The following DOCK10 variants were observed in gnomAD, a reference collection of about 807,000 sequenced individuals.
DOCK10 encodes dedicator of cytokinesis protein 10.
Under a neutral mutation model 280.1 loss-of-function variants are expected in DOCK10, and 145 were observed. The observed-to-expected ratio is 0.52, with a 90% confidence interval of 0.45 to 0.59. The LOEUF is 0.59. Among genes scored for constraint, DOCK10 ranks in the 20% least tolerant of loss-of-function variants. The pLI is 0.00. For missense variants in DOCK10, 2,368 were observed against 2,651.7 expected (o/e 0.89, Z 2.35); for synonymous variants, 915 against 942.2 (o/e 0.97, Z 0.53).
rs1375994949 is a variant in DOCK10, at chr2:224,862,742, G to A, written c.1607C>T (p.Ala536Val). The A allele has an allele frequency of 6.3e-7, 1 of 1,582,772 alleles. No individual in the cohort carries two copies. The highest frequency in any genetic ancestry group is 1.1e-5 in the South Asian group (1 of 87,618). ...YIKNPDSNKY[A>V]QKILKSNRQF... ...TCTGTTGGATTTTAGTATCTTTTGT[G>A]CATACTAAAGAAAAAATAAATACAA... Residue 536 changes from alanine (A) to valine (V), a missense_variant, in exon 14 of 56, where the codon GCA becomes GTA. Ala to Val is a moderately conservative substitution (Grantham distance 64, BLOSUM62 0). This residue lies in a region of DOCK10 where 1,209 missense variants were observed against 1,250.9 expected (regional missense o/e 0.97). Coordinates refer to ENST00000258390, the MANE Select transcript of DOCK10 (RefSeq NM_014689.3).
chr2:224,924,866 T>C (rs1205558141), intron 2 of DOCK10, among the ~76,000 whole-genome samples: 1 of 152,192 alleles, frequency 6.6e-6, no homozygotes, highest in Non-Finnish European at 1.5e-5. Context: ...CTAAGAAGCG[T>C]CGGCCAAAAG....
chr2:224,852,967 G>T lies in DOCK10; in HGVS notation c.2044C>A (p.Leu682Ile). ...AAGCATTTCTGGCTATCATACTTGA[G>T]GTGTTTGGGGTAAATATAAATTTGA... ...KNQIYIYPKHLKYDSQKCFNK... is the reference protein window; with the variant it reads ...KNQIYIYPKHIKYDSQKCFNK... The change falls in exon 17 of 56, where the codon CTC becomes ATC. Residue 682 changes from leucine to isoleucine, a missense_variant. Physicochemically the swap from Leu to Ile is conservative, Grantham distance 5. Coordinates refer to ENST00000258390, the MANE Select transcript of DOCK10 (RefSeq NM_014689.3). 6.2e-7 allele frequency: 1 copy of T among 1,606,262 alleles called. No individual in the cohort carries two copies. Among genetic ancestry groups the T allele is most frequent in the South Asian group, 1.1e-5 (1 of 89,720 alleles).
chr2:224,992,817 G>A (rs1184690244), intron 1 of DOCK10, among the ~76,000 whole-genome samples: 1 of 152,192 alleles, frequency 6.6e-6, no homozygotes, highest in Non-Finnish European at 1.5e-5. Context: ...CATAAAATTA[G>A]AGGGTTAGAA....
chr2:224,796,869 A>T, intron 43 of DOCK10, 95 bp downstream of exon 43: 1 of 1,114,204 alleles, frequency 9.0e-7, no homozygotes, highest in Non-Finnish European at 1.3e-6. Flanking sequence ...TGGAGGAGTT[A>T]GTGACGGCTT....
intron 7 of DOCK10, among the ~76,000 whole-genome samples, chr2:224,884,373 G>A (rs1181585925): frequency 3.9e-5 from 6 of 152,194 alleles, no homozygotes; most frequent in Admixed American, 1.3e-4. Flanking sequence ...AGGTTTGAGG[G>A]TAACAGAAAG....
chr2:224,975,697 A>G (rs1282421384), intron 1 of DOCK10, among the ~76,000 whole-genome samples: 2 of 152,232 alleles, frequency 1.3e-5, no homozygotes, highest in Non-Finnish European at 2.9e-5. Flanking sequence ...TAGGACACAA[A>G]TTAAACAAAT....
chr2:224,945,163 C>T (rs1228153411), intron 1 of DOCK10, among the ~76,000 whole-genome samples: 1 of 152,148 alleles, frequency 6.6e-6, no homozygotes, highest in Middle Eastern at 3.2e-3. Context: ...CATGCTACTT[C>T]TAAATTCCAT....
intron 4 of DOCK10, among the ~76,000 whole-genome samples, chr2:224,889,525 C>T (rs1168599706): frequency 2.0e-5 from 3 of 152,290 alleles, no homozygotes; most frequent in Admixed American, 6.5e-5. Flanking sequence ...CTTTAATAAG[C>T]ACATTAAGTA....
In DOCK10 at chr2:224,975,081, T is replaced by A. The variant is rs547103937; in HGVS notation, c.124-43413A>T. On this transcript the variant is annotated intron_variant, in intron 1 of 55. Transcript: ENST00000258390. ...CTGTGTATTTTTTCTTTGCTTCTAA[T>A]CATTTCTAAATTTGGTACAATTTGG... Among the ~76,000 whole-genome samples, 4 of 152,008 alleles carry A rather than the reference T, an allele frequency of 2.6e-5. No homozygotes were observed. In the South Asian group the frequency reaches 8.3e-4, roughly 32 times the overall value.
chr2:224,904,683 C>T (rs1053438489), intron 3 of DOCK10, among the ~76,000 whole-genome samples: 3 of 152,130 alleles, frequency 2.0e-5, no homozygotes, highest in Non-Finnish European at 4.4e-5. Context: ...TAGTAAGAGA[C>T]ATTCTTATAT....
At position 224,862,726 on chromosome 2, in the gene DOCK10, T is replaced by G; in HGVS notation, c.1623A>C (p.Lys541Asn). ...ATTTGCTGCAGAATTGTCTGTTGGA[T>G]TTTAGTATCTTTTGTGCATACTAAA... ...DSNKYAQKIL[K>N]SNRQFCSKLG... The change falls in exon 14 of 56, where the codon AAA (lysine) becomes AAC (asparagine). Residue 541 changes from lysine to asparagine, a missense_variant. Lys to Asn is a moderately conservative substitution (Grantham distance 94). Coordinates refer to ENST00000258390, the MANE Select transcript of DOCK10 (RefSeq NM_014689.3). 7 of 1,609,246 alleles carry G rather than the reference T, an allele frequency of 4.3e-6. No individual in the cohort carries two copies. The highest frequency in any genetic ancestry group is 4.2e-6 in the Non-Finnish European group (5 of 1,177,208).
At chr2:224,963,359 T>C (rs918716843) in intron 1 of DOCK10, among the ~76,000 whole-genome samples, 3 of 151,482 alleles carry the variant, frequency 2.0e-5, no homozygotes. Flanking sequence ...AGGTCTGCAA[T>C]AGATCAATAG....
chr2:225,002,505 C>G (rs1316628703), intron 1 of DOCK10, among the ~76,000 whole-genome samples: 1 of 152,208 alleles, frequency 6.6e-6, no homozygotes, highest in Admixed American at 6.5e-5. Flanking sequence ...ATAAGTCATA[C>G]ATTTCTTTGG....
chr2:224,807,809 A>G, intron 32 of DOCK10, 25 bp from the exon 33 acceptor site: 1 of 1,564,362 alleles, frequency 6.4e-7, no homozygotes, highest in African/African-American at 1.4e-5. Flanking sequence ...AGCCAAAAGA[A>G]ATGATTCATG....
At chr2:225,039,602 T>G (rs1225948930) in intron 1 of DOCK10, among the ~76,000 whole-genome samples, 2 of 152,132 alleles carry the variant, frequency 1.3e-5, no homozygotes, top group African/African-American at 4.8e-5. Context: ...GCCTTAAAAT[T>G]TGGCTTTCCC....
In DOCK10 at chr2:224,830,618, G is replaced by T. The variant is rs1574899195; in HGVS notation, c.2965-6C>A. On this transcript the variant is annotated splice_region_variant and splice_polypyrimidine_tract_variant and intron_variant, in intron 26 of 55. Coordinates refer to ENST00000258390, the MANE Select transcript of DOCK10 (RefSeq NM_014689.3). Reference sequence around the variant, plus strand: ...GCAAAGAAGAACCAGGAATGCTGTTGGGAAAAAAAAGGCAACGAGACATTT... The same window carrying T: ...GCAAAGAAGAACCAGGAATGCTGTTTGGAAAAAAAAGGCAACGAGACATTT... 8.3e-7 allele frequency: 1 copy of T among 1,205,568 alleles called. No individual in the cohort carries two copies. Among genetic ancestry groups the T allele is most frequent in the Non-Finnish European group, 1.1e-6 (1 of 912,328 alleles). 74.7% of individuals were successfully genotyped at this position (1,205,568 alleles called of 1,614,324 possible). A position where few individuals can be genotyped will look rare whatever the true frequency, so the allele number is the denominator to read the frequency against.
intron 9 of DOCK10, 117 bp from the exon 10 acceptor site, chr2:224,874,466 A>T: frequency 3.2e-6 from 3 of 924,912 alleles, no homozygotes; most frequent in Non-Finnish European, 5.0e-6. Flanking sequence ...ATTACCCATT[A>T]ACACTTGGCA....
intron 1 of DOCK10, among the ~76,000 whole-genome samples, chr2:225,039,075 C>G (rs1690341613): frequency 6.6e-6 from 1 of 152,162 alleles, no homozygotes; most frequent in Non-Finnish European, 1.5e-5. Context: ...AGAAAGCTAT[C>G]TAAATGAACT....
chr2:224,916,708 A>G lies in DOCK10; in HGVS notation c.320T>C (p.Leu107Ser). 1.9e-6 allele frequency: 3 copies of G among 1,609,470 alleles called. No individual in the cohort carries two copies. The highest frequency in any genetic ancestry group is 1.1e-5 in the South Asian group (1 of 89,922). Reference protein sequence around the residue: ...PEDAEHKAENLLVKEACKFYS... With the variant: ...PEDAEHKAENSLVKEACKFYS... ...CATCACATTTACCTCCTTAACCAGT[A>G]AATTTTCTGCCTTGTGCTCTGCATC... The change falls in exon 3 of 56, where the codon TTA (leucine) becomes TCA (serine). Residue 107 changes from leucine (L) to serine (S), a missense_variant. Leu to Ser is a moderately radical substitution (Grantham distance 145). This residue lies in a region of DOCK10 where 1,209 missense variants were observed against 1,250.9 expected (regional missense o/e 0.97). Transcript: ENST00000258390.
Sources: allele counts gnomAD v4.1 joint callset (sites outside exome capture counted in the v4.1 genomes callset), GRCh38; gene constraint gnomAD v4.1.1; regional missense constraint gnomAD v4.1.1; transcripts MANE v1.5; gene names NCBI Gene and HGNC (gene_info 2026-07-23, HGNC 2026-07-21).